Variants in ULK4 observed in about 807,000 individuals in gnomAD.
ULK4 encodes inactive serine/threonine-protein kinase ULK4.
ULK4 carries 133 observed loss-of-function variants against 160.6 expected under a neutral mutation model. The ratio of observed to expected loss-of-function variants is 0.83; its 90% CI spans 0.72 to 0.96. ULK4 has a LOEUF of 0.96. ULK4 is among the 40% of genes least tolerant of loss of function. The pLI is 0.00. For synonymous variants in ULK4, 534 were observed against 539.8 expected (o/e 0.99, Z 0.15); for missense variants, 1,580 against 1,499.5 (o/e 1.05, Z -0.89).
intron 32 of ULK4, among the ~76,000 whole-genome samples, chr3:41,488,306 A>G (rs1209329835): frequency 6.6e-6 from 1 of 152,164 alleles, no homozygotes; most frequent in East Asian, 1.9e-4. Flanking sequence ...CTCAGTTATT[A>G]TTCCCATCCC....
intron 21 of ULK4, among the ~76,000 whole-genome samples, chr3:41,788,676 C>T (rs577937201): frequency 1.3e-5 from 2 of 150,816 alleles, no homozygotes; most frequent in Non-Finnish European, 2.9e-5. Flanking sequence ...GGCGACAGAG[C>T]GAGCCTCCAT....
intron 35 of ULK4, among the ~76,000 whole-genome samples, chr3:41,375,612 CT>C (rs1257715776): frequency 1.3e-5 from 2 of 150,232 alleles, no homozygotes; most frequent in Non-Finnish European, 2.9e-5. Flanking sequence ...TTCCCTACAC[CT>C]TATACAAAAA....
intron 1 of ULK4, among the ~76,000 whole-genome samples, chr3:41,961,450 A>G (rs1298746602): frequency 6.6e-6 from 1 of 151,516 alleles, no homozygotes; most frequent in African/African-American, 2.4e-5. Flanking sequence ...CCGAGATGTA[A>G]CCGATGGCGC....
chr3:41,498,020 T>C (rs2085052727), intron 32 of ULK4, among the ~76,000 whole-genome samples: 1 of 152,202 alleles, frequency 6.6e-6, no homozygotes, highest in African/African-American at 2.4e-5. Context: ...AAATCAGCTA[T>C]AGAAAATCTG....
chr3:41,826,323 G>A (rs1389788643), intron 18 of ULK4, among the ~76,000 whole-genome samples: 13 of 152,104 alleles, frequency 8.5e-5, no homozygotes, highest in African/African-American at 2.2e-4. Context: ...AACCTTAAAT[G>A]TAAATGGGCT....
chr3:41,649,742 T>G (rs1184417113), intron 30 of ULK4, among the ~76,000 whole-genome samples: 1 of 152,182 alleles, frequency 6.6e-6, no homozygotes, highest in Non-Finnish European at 1.5e-5. Flanking sequence ...TGGCCCACCA[T>G]GGATGGCATG....
rs1266287797 is a variant in ULK4, at chr3:41,900,942, T to G, written c.1183-113A>C. On this transcript the variant is annotated intron_variant, in intron 12 of 36. Coordinates refer to ENST00000301831, the MANE Select transcript of ULK4 (RefSeq NM_017886.4). ...CACTGTAAAATATCACCTATATCAA[T>G]GTACTTCAACTGCTATTCAAGATGG... The G allele has an allele frequency of 4.4e-6, 3 of 678,672 alleles. No homozygotes were observed. In the Admixed American group the frequency reaches 7.6e-5, roughly 17 times the overall value. The allele number at this position is 678,672 out of a possible 1,614,324, so 42.0% of individuals were successfully genotyped here.
chr3:41,701,907 T>C (rs572259604), intron 27 of ULK4, among the ~76,000 whole-genome samples: 8 of 151,578 alleles, frequency 5.3e-5, no homozygotes, highest in African/African-American at 9.7e-5. Flanking sequence ...AGTAAAAGAA[T>C]AGAAAGAAAA....
intron 20 of ULK4, among the ~76,000 whole-genome samples, chr3:41,794,682 A>AAC: frequency 7.7e-6 from 1 of 130,284 alleles, no homozygotes. Flanking sequence ...AAAAAAAAAA[A>AAC]AAAACACAGA....
intron 23 of ULK4, among the ~76,000 whole-genome samples, chr3:41,716,216 AAATAAT>A (rs61340837): frequency 0.37 from 52,085 of 139,084 alleles, 10,981 homozygotes; most frequent in Admixed American, 0.48. Flanking sequence ...CTGTCTCACA[AAATAAT>A]AATAATAATA....
chr3:41,770,340 C>A (rs575071753), intron 21 of ULK4, among the ~76,000 whole-genome samples: 1 of 152,156 alleles, frequency 6.6e-6, no homozygotes, highest in South Asian at 2.1e-4. Flanking sequence ...AAAACATGAA[C>A]CACTCAGCCC....
intron 25 of ULK4, among the ~76,000 whole-genome samples, chr3:41,714,255 G>A (rs2037190321): frequency 6.6e-6 from 1 of 152,116 alleles, no homozygotes; most frequent in Admixed American, 6.5e-5. Context: ...GACCTTTACT[G>A]CATTGCTTCC....
At chr3:41,378,177 G>A (rs773546106) in intron 35 of ULK4, among the ~76,000 whole-genome samples, 23 of 136,790 alleles carry the variant, frequency 1.7e-4, no homozygotes, top group Non-Finnish European at 2.7e-4. Flanking sequence ...TGAACAATGA[G>A]ATCACATGGA....
chr3:41,539,706 A>G (rs1227921495), intron 32 of ULK4, among the ~76,000 whole-genome samples: 1 of 152,092 alleles, frequency 6.6e-6, no homozygotes, highest in Non-Finnish European at 1.5e-5. Flanking sequence ...TCTGACTCTA[A>G]CCACTGAAAA....
intron 35 of ULK4, among the ~76,000 whole-genome samples, chr3:41,266,678 A>G (rs1022442629): frequency 6.6e-6 from 1 of 152,246 alleles, no homozygotes; most frequent in Non-Finnish European, 1.5e-5. Context: ...TGTAAATAGC[A>G]TACAAGTGCT....
intron 30 of ULK4, among the ~76,000 whole-genome samples, chr3:41,617,636 A>G (rs995431365): frequency 1.3e-4 from 20 of 152,348 alleles, no homozygotes; most frequent in African/African-American, 4.8e-4. Flanking sequence ...CTCAAAGATC[A>G]AAGGCAGATA....
intron 17 of ULK4, among the ~76,000 whole-genome samples, chr3:41,839,613 A>G (rs1269173132): frequency 1.3e-5 from 2 of 151,852 alleles, no homozygotes; most frequent in East Asian, 3.8e-4. Flanking sequence ...CTCAAAAAAA[A>G]CTAACTATCA....
intron 19 of ULK4, among the ~76,000 whole-genome samples, chr3:41,815,312 G>C (rs1050235456): frequency 3.9e-5 from 6 of 151,950 alleles, no homozygotes; most frequent in Non-Finnish European, 5.9e-5. Flanking sequence ...TGTGCTATTT[G>C]TTCCATCTGT....
chr3:41,781,865 G>A (rs563006570), intron 21 of ULK4, among the ~76,000 whole-genome samples: 24 of 152,204 alleles, frequency 1.6e-4, no homozygotes, highest in African/African-American at 5.3e-4. Flanking sequence ...CTTGAACCCG[G>A]GAGGCGGAGG....
Sources: allele counts gnomAD v4.1 joint callset (sites outside exome capture counted in the v4.1 genomes callset), GRCh38; gene constraint gnomAD v4.1.1; transcripts MANE v1.5; gene names NCBI Gene and HGNC (gene_info 2026-07-23, HGNC 2026-07-21).